Variants in ODAD1 observed in about 807,000 individuals in gnomAD.
The protein encoded by ODAD1 is outer dynein arm docking complex subunit 1.
ODAD1 carries 49 observed loss-of-function variants against 67.2 expected under a neutral mutation model. That is an observed-to-expected ratio of 0.73 (90% confidence interval 0.58 to 0.92). The LOEUF (loss-of-function observed/expected upper bound fraction) is 0.92, where lower values mean the gene tolerates loss of function less well. Among genes scored for constraint, ODAD1 ranks in the 40% least tolerant of loss-of-function variants. The pLI is 0.00. For synonymous variants in ODAD1, 345 were observed against 393.7 expected (o/e 0.88, Z 1.46); for missense variants, 897 against 953.7 (o/e 0.94, Z 0.78).
At chr19:48,320,566 CT>C (rs1042920481) in intron 2 of ODAD1, among the ~76,000 whole-genome samples, 175 bp from the exon 3 acceptor site, 4 of 152,248 alleles carry the variant, frequency 2.6e-5, no homozygotes, top group African/African-American at 9.6e-5. Context: ...TCCCACACCT[CT>C]CCAGCCCTCC....
At position 48,312,407 on chromosome 19, in the gene ODAD1, T is replaced by G. The variant is rs536810776; in HGVS notation, c.361-291A>C. 8.2e-4 allele frequency among the ~76,000 whole-genome samples: 104 copies of G among 126,550 alleles called. 2 individuals carry two copies. Among genetic ancestry groups the G allele is most frequent in the African/African-American group, 2.9e-3 (93 of 32,178 alleles). The allele number at this position is 126,550 out of a possible 152,430, so 83.0% of individuals were successfully genotyped here. A position where few individuals can be genotyped will look rare whatever the true frequency, so the allele number is the denominator to read the frequency against. On this transcript the variant is annotated intron_variant, in intron 5 of 15. Transcript: ENST00000674294. ...CTAGCCTGACTCCTTTCCGTTTTTT[T>G]TTTTGTTTTTTTTTTTTTTTTTTTT...
At chr19:48,305,207 T>C (rs1968574448) in intron 8 of ODAD1, among the ~76,000 whole-genome samples, 1 of 152,080 alleles carries the variant, frequency 6.6e-6, no homozygotes, top group Admixed American at 6.6e-5. Flanking sequence ...AGAGAGAGCA[T>C]GGAGCTCATG....
intron 11 of ODAD1, 28 bp downstream of exon 11, chr19:48,302,985 G>T: frequency 6.2e-7 from 1 of 1,609,422 alleles, no homozygotes; most frequent in Non-Finnish European, 8.5e-7. Context: ...GAGGAGAGGA[G>T]GAGATGGAGA....
intron 5 of ODAD1, among the ~76,000 whole-genome samples, chr19:48,312,421 T>TG (rs1569009592): frequency 5.0e-5 from 7 of 140,872 alleles, no homozygotes; most frequent in African/African-American, 1.3e-4. Context: ...TGTTTTTTTT[T>TG]TTTTTTTTTT....
intron 7 of ODAD1, among the ~76,000 whole-genome samples, chr19:48,307,809 C>T (rs188648257): frequency 8.6e-5 from 12 of 140,122 alleles, no homozygotes; most frequent in Non-Finnish European, 1.4e-4. Flanking sequence ...GGTGACAAAG[C>T]GAGACTCCGT....
At chr19:48,303,424 T>C in intron 10 of ODAD1, 1 of 598,896 alleles carries the variant, frequency 1.7e-6, no homozygotes, top group South Asian at 2.0e-5. Context: ...GAGGGAAGGA[T>C]GTGGAGAGTG....
intron 5 of ODAD1, among the ~76,000 whole-genome samples, chr19:48,313,408 C>T (rs140000994): frequency 9.0e-4 from 88 of 97,820 alleles, no homozygotes; most frequent in African/African-American, 3.5e-3. Context: ...GCCTGGGGAA[C>T]AGAACAAGAC....
rs774457894 is a variant in ODAD1 at position 48,303,709 on chromosome 19, T to G, written c.929A>C (p.Lys310Thr). 4.3e-6 allele frequency: 7 copies of G among 1,613,970 alleles called. No individual in the cohort carries two copies. The African/African-American group carries it at 8.0e-5, about 18-fold the overall frequency. Residue 310 changes from lysine (K) to threonine (T), a missense_variant, in exon 10 of 16, where the codon AAA (lysine) becomes ACA (threonine). Transcript: ENST00000674294. ...ACTCTCCCCCATCAGCTGGGACAGT[T>G]TATTCAGGGCGTCCTCGTAGCAAAG... ...LVLCYEDALN[K>T]LSQLMGESDP...
Position 48,303,024 on chromosome 19 carries a change from C to G in ODAD1, c.1060G>C (p.Glu354Gln). 1 of 1,614,018 alleles carries G rather than the reference C, an allele frequency of 6.2e-7. No homozygotes were observed. The highest frequency in any genetic ancestry group is 8.5e-7 in the Non-Finnish European group (1 of 1,179,938). ...QNLELEHVQE[E>Q]IKEMQEALVS... is the part of the protein sequence containing the mutation. ...CAGGCCTCACTCACCTCCTTGATCTCTTCCTGCACATGCTCCAGCTCCAAG... is the reference window on the plus strand; with the variant it reads ...CAGGCCTCACTCACCTCCTTGATCTGTTCCTGCACATGCTCCAGCTCCAAG... Residue 354 changes from glutamate to glutamine, a missense_variant, in exon 11 of 16, where the codon GAG becomes CAG. Transcript: ENST00000674294.
Position 48,297,099 on chromosome 19 carries a change from C to T in ODAD1, c.2001G>A (p.Glu667=), listed in dbSNP as rs1409078897. The change falls in exon 16 of 16, where the codon GAG becomes GAA. Residue 667 remains glutamate, a synonymous_variant. Coordinates refer to ENST00000674294, the MANE Select transcript of ODAD1 (RefSeq NM_001364171.2). ...TCGAATCAGACGCTGTGCCTCCGCT[C>T]TCCACACCACCCTCTGTGTTTTCTC... The part of the protein sequence containing the change: ...RGGENTEGGV[E]SGGTASDSSG... The T allele has an allele frequency of 1.2e-6, 2 of 1,613,498 alleles. No homozygotes were observed. The highest frequency in any genetic ancestry group is 1.7e-6 in the Non-Finnish European group (2 of 1,179,634).
In ODAD1 at chr19:48,303,693, C is replaced by A. The variant is rs746835308; in HGVS notation, c.945G>T (p.Met315Ile). Reference protein sequence around the residue: ...EDALNKLSQLMGESDPDLLVQ... With the variant: ...EDALNKLSQLIGESDPDLLVQ... Reference sequence around the variant, plus strand: ...CCAACAGGTCAGGGTCACTCTCCCCCATCAGCTGGGACAGTTTATTCAGGG... The same window carrying A: ...CCAACAGGTCAGGGTCACTCTCCCCAATCAGCTGGGACAGTTTATTCAGGG... Residue 315 changes from methionine (M) to isoleucine (I), a missense_variant, in exon 10 of 16, where the codon ATG becomes ATT. Met to Ile is a conservative substitution (Grantham distance 10). Transcript: ENST00000674294. 6 of 1,614,146 alleles carry A rather than the reference C, an allele frequency of 3.7e-6. No homozygotes were observed. Among genetic ancestry groups the A allele is most frequent in the Non-Finnish European group, 4.2e-6 (5 of 1,179,992 alleles).
intron 13 of ODAD1, 35 bp from the exon 14 acceptor site, chr19:48,298,132 AC>A: frequency 6.2e-7 from 1 of 1,611,356 alleles, no homozygotes. Context: ...CAGCTGGGCC[AC>A]CCCCGAGACC....
chr19:48,319,071 G>C (rs1190890303), intron 3 of ODAD1, among the ~76,000 whole-genome samples: 4 of 151,928 alleles, frequency 2.6e-5, no homozygotes, highest in Non-Finnish European at 4.4e-5. Context: ...CTTCTGGAAG[G>C]CCTCTGGGTC....
rs760887409 is a variant in ODAD1, at chr19:48,303,634, C to G, written c.988+16G>C. The stretch of plus-strand genomic sequence containing the variant: ...GGGGTCCCGGGCCTCCTCCCTCCAC[C>G]CAGGGCCCCACTCACTCTCCAGATA... On this transcript the variant is annotated intron_variant, in intron 10 of 15. Transcript: ENST00000674294. 3.7e-6 allele frequency: 6 copies of G among 1,613,842 alleles called. No individual in the cohort carries two copies. The African/African-American group carries it at 4.0e-5, about 11-fold the overall frequency.
Position 48,302,814 on chromosome 19 carries a change from A to C in ODAD1, c.1120T>G (p.Leu374Val), listed in dbSNP as rs772352412. ...ACCTTCTGCTGCTGCTCCTGCAGCA[A>C]ATGCTGGTCATCCTTGCTGGCACGT... ...SARASKDDQH[L>V]LQEQQQKVLQ... The change falls in exon 12 of 16, where the codon TTG becomes GTG. Residue 374 changes from leucine to valine, a missense_variant. By Grantham distance (32) the Leu-to-Val change is conservative. Coordinates refer to ENST00000674294, the MANE Select transcript of ODAD1 (RefSeq NM_001364171.2). 3.7e-5 allele frequency: 59 copies of C among 1,613,892 alleles called. No homozygotes were observed. Among genetic ancestry groups the C allele is most frequent in the Non-Finnish European group, 4.5e-5 (53 of 1,179,978 alleles).
At chr19:48,317,410 G>A (rs1475152929) in intron 5 of ODAD1, among the ~76,000 whole-genome samples, 1 of 152,028 alleles carries the variant, frequency 6.6e-6, no homozygotes, top group African/African-American at 2.4e-5. Context: ...GATGGGATTC[G>A]CAACCTGTCT....
At chr19:48,303,812 C>A in intron 9 of ODAD1, 28 bp from the exon 10 acceptor site, 6 of 1,590,222 alleles carry the variant, frequency 3.8e-6, no homozygotes, top group Non-Finnish European at 5.1e-6. Flanking sequence ...AGCAGGTCGG[C>A]CTCCTGGGTG....
chr19:48,304,128 C>A lies in ODAD1; in HGVS notation c.678G>T (p.Lys226Asn). 5.0e-6 allele frequency: 8 copies of A among 1,608,468 alleles called. No homozygotes were observed. Among genetic ancestry groups the A allele is most frequent in the Non-Finnish European group, 6.8e-6 (8 of 1,177,104 alleles). Residue 226 changes from lysine (K) to asparagine (N), a missense_variant, in exon 9 of 16, where the codon AAG becomes AAT. Transcript: ENST00000674294. ...GCTCCCGCAGCAAGCCCATCTTGGC[C>A]TTCGCCTCCTCCCTGCGGGGGTCAG... The part of the protein sequence containing the change: ...TSAYAVREEA[K>N]AKMGLLRERA...
At chr19:48,302,095 A>AATGG (rs1006920035) in intron 12 of ODAD1, among the ~76,000 whole-genome samples, 6 of 131,568 alleles carry the variant, frequency 4.6e-5, no homozygotes, top group Non-Finnish European at 6.6e-5. Flanking sequence ...TGGGTGGATG[A>AATGG]ATGGATGGAT....
Sources: gnomAD v4.1 joint callset for allele counts (sites outside exome capture counted in the v4.1 genomes callset) on GRCh38, gnomAD v4.1.1 for gene constraint, MANE v1.5 for transcripts, NCBI Gene and HGNC (gene_info 2026-07-23, HGNC 2026-07-21) for gene names.